MAN1C1: variants seen among roughly 807,000 people sequenced by gnomAD.
MAN1C1 encodes the protein mannosyl-oligosaccharide 1,2-alpha-mannosidase IC.
MAN1C1 carries 49 observed loss-of-function variants against 71.5 expected under a neutral mutation model. The ratio of observed to expected loss-of-function variants is 0.69; its 90% confidence interval spans 0.54 to 0.87. The LOEUF (loss-of-function observed/expected upper bound fraction) is 0.87, where lower values mean the gene tolerates loss of function less well. Among genes scored for constraint, MAN1C1 ranks in the 40% least tolerant of loss-of-function variants. The pLI is 0.00. For synonymous variants in MAN1C1, 352 were observed against 343.7 expected, an observed-to-expected ratio of 1.02 and a Z score of -0.27; for missense variants, 743 against 835.0, an observed-to-expected ratio of 0.89 and a Z score of 1.36.
intron 1 of MAN1C1, among the ~76,000 whole-genome samples, chr1:25,661,272 G>A (rs775298778): frequency 2.0e-5 from 3 of 152,066 alleles, no homozygotes; most frequent in Non-Finnish European, 2.9e-5. Context: ...TGTCTTGCCC[G>A]AGTCCCATTT....
At chr1:25,655,970 G>GT (rs2045758395) in intron 1 of MAN1C1, among the ~76,000 whole-genome samples, 1 of 151,970 alleles carries the variant, frequency 6.6e-6, no homozygotes, top group African/African-American at 2.4e-5. Context: ...CTCAGGAGCT[G>GT]TGAGTGAGGG....
intron 1 of MAN1C1, among the ~76,000 whole-genome samples, chr1:25,679,395 G>A (rs1394492893): frequency 5.9e-5 from 9 of 152,130 alleles, no homozygotes; most frequent in African/African-American, 2.2e-4. Flanking sequence ...CGGACATGAA[G>A]ACCCATCCAG....
intron 1 of MAN1C1, among the ~76,000 whole-genome samples, chr1:25,633,485 A>G (rs1309047416): frequency 1.4e-5 from 2 of 147,146 alleles, no homozygotes; most frequent in Non-Finnish European, 3.0e-5. Context: ...GGATTGTAAT[A>G]TGTTCTTGTT....
chr1:25,680,882 G>A (rs1036806242), intron 1 of MAN1C1, among the ~76,000 whole-genome samples: 1 of 152,082 alleles, frequency 6.6e-6, no homozygotes, highest in African/African-American at 2.4e-5. Context: ...AGACTCATAG[G>A]ACTCAGCCCA....
At chr1:25,703,163 T>C (rs2046469525) in intron 2 of MAN1C1, among the ~76,000 whole-genome samples, 1 of 152,212 alleles carries the variant, frequency 6.6e-6, no homozygotes, top group Admixed American at 6.5e-5. Context: ...CCTGAAGTGA[T>C]TGGTCCCCTT....
chr1:25,691,178 G>A (rs1322870483), intron 2 of MAN1C1, among the ~76,000 whole-genome samples: 4 of 152,236 alleles, frequency 2.6e-5, no homozygotes, highest in African/African-American at 4.8e-5. Context: ...TTAGCTGGAC[G>A]TGGTGACATG....
At chr1:25,757,937 G>A (rs1015610324) in intron 5 of MAN1C1, among the ~76,000 whole-genome samples, 3 of 152,364 alleles carry the variant, frequency 2.0e-5, no homozygotes, top group African/African-American at 7.2e-5. Flanking sequence ...CAGCTGTGAG[G>A]ATTAACCAGG....
chr1:25,661,882 C>T (rs1042133002), intron 1 of MAN1C1, among the ~76,000 whole-genome samples: 2 of 152,170 alleles, frequency 1.3e-5, no homozygotes, highest in Non-Finnish European at 2.9e-5. Flanking sequence ...CAAGTCCTAC[C>T]CCACATCAGG....
At position 25,753,338 on chromosome 1, in the gene MAN1C1, T is replaced by C; in HGVS notation, c.835-146T>C. 1.9e-6 allele frequency: 1 copy of C among 525,790 alleles called. No individual in the cohort carries two copies. 32.6% of individuals were successfully genotyped at this position (525,790 alleles called of 1,614,324 possible). A position where few individuals can be genotyped will look rare whatever the true frequency, so the allele number is the denominator to read the frequency against. On this transcript the variant is annotated intron_variant, in intron 4 of 11. Coordinates refer to ENST00000374332, the MANE Select transcript of MAN1C1 (RefSeq NM_020379.4). The surrounding 1 kb of genome is among the most constrained non-coding windows in gnomAD (Gnocchi z 4.9). ...TGCCAAAGTCCACGTGGCCAGCAGT[T>C]GGAAGAACCGGGCTGGTGGACTGCA...
intron 1 of MAN1C1, among the ~76,000 whole-genome samples, chr1:25,636,378 C>T (rs925415298): frequency 1.2e-4 from 18 of 152,074 alleles, no homozygotes; most frequent in African/African-American, 2.9e-4. Context: ...CCAGAGCGGC[C>T]GTTTATAGAC....
intron 1 of MAN1C1, among the ~76,000 whole-genome samples, chr1:25,641,899 T>C (rs2045543057): frequency 6.6e-6 from 1 of 152,194 alleles, no homozygotes; most frequent in African/African-American, 2.4e-5. Flanking sequence ...AAGAGAAATA[T>C]TGAAAACACC....
chr1:25,695,796 G>A (rs1374670238), intron 2 of MAN1C1, among the ~76,000 whole-genome samples: 1 of 152,226 alleles, frequency 6.6e-6, no homozygotes, highest in Non-Finnish European at 1.5e-5. Context: ...GGAGCCTTGG[G>A]TTCGTGTCCC....
chr1:25,750,589 G>A (rs886648372), intron 4 of MAN1C1, among the ~76,000 whole-genome samples: 1 of 152,234 alleles, frequency 6.6e-6, no homozygotes, highest in African/African-American at 2.4e-5. Flanking sequence ...CTGAAGTCAA[G>A]GGTTTCGAAG....
intron 2 of MAN1C1, among the ~76,000 whole-genome samples, chr1:25,688,247 C>A (rs2046261532): frequency 6.6e-6 from 1 of 152,070 alleles, no homozygotes; most frequent in Non-Finnish European, 1.5e-5. Context: ...GTATTGATTC[C>A]CATTAGGAAC....
intron 5 of MAN1C1, among the ~76,000 whole-genome samples, chr1:25,756,083 T>C (rs546800327): frequency 1.1e-4 from 16 of 152,224 alleles, no homozygotes; most frequent in Non-Finnish European, 2.1e-4. Flanking sequence ...GAAGGTAAAA[T>C]AAGAACCACC....
intron 1 of MAN1C1, among the ~76,000 whole-genome samples, chr1:25,630,855 CA>C: frequency 6.6e-6 from 1 of 152,172 alleles, no homozygotes; most frequent in Non-Finnish European, 1.5e-5. Flanking sequence ...CATCTGTGAA[CA>C]GTGATAGTCT....
At chr1:25,661,350 C>T (rs949056028) in intron 1 of MAN1C1, among the ~76,000 whole-genome samples, 3 of 152,230 alleles carry the variant, frequency 2.0e-5, no homozygotes, top group Admixed American at 1.3e-4. Flanking sequence ...ACCAGGGACA[C>T]AGCAATGAAC....
chr1:25,710,644 AG>A (rs1184998820), intron 2 of MAN1C1, among the ~76,000 whole-genome samples: 1 of 152,234 alleles, frequency 6.6e-6, no homozygotes, highest in Non-Finnish European at 1.5e-5. Context: ...GCGGGGACCC[AG>A]TGGCTTTCTG....
At position 25,678,155 on chromosome 1, in the gene MAN1C1, G is replaced by C. The variant is rs151258753; in HGVS notation, c.541-8285G>C. On this transcript the variant is annotated intron_variant, in intron 1 of 11. Transcript: ENST00000374332. ...TCTTTTTTGTAAACACTCATACATA[G>C]GCCAGTGAATTTCATACTATGTAAT... 2.3e-3 allele frequency among the ~76,000 whole-genome samples: 346 copies of C among 152,090 alleles called. 2 individuals carry two copies. The highest frequency in any genetic ancestry group is 7.2e-3 in the African/African-American group (299 of 41,490).
Sources: allele counts gnomAD v4.1 joint callset (sites outside exome capture counted in the v4.1 genomes callset), GRCh38; gene constraint gnomAD v4.1.1; non-coding constraint Gnocchi (gnomAD v3.1); transcripts MANE v1.5; gene names NCBI Gene and HGNC (gene_info 2026-07-23, HGNC 2026-07-21).